Variants in AQP9 observed in about 807,000 individuals in gnomAD.
The protein encoded by AQP9 is aquaporin-9.
AQP9 carries 19 observed loss-of-function variants against 23.8 expected under a neutral mutation model. The ratio of observed to expected loss-of-function variants is 0.80; its 90% CI spans 0.56 to 1.17. The LOEUF is 1.17. AQP9 is among the 50% of genes most tolerant of loss of function. The pLI is 0.00. For missense variants in AQP9, 413 were observed against 362.0 expected, an observed-to-expected ratio of 1.14 and a Z score of -1.14; for synonymous variants, 153 against 131.5, an observed-to-expected ratio of 1.16 and a Z score of -1.12.
intron 5 of AQP9, among the ~76,000 whole-genome samples, chr15:58,180,862 C>G (rs1431266149): frequency 6.6e-6 from 1 of 152,214 alleles, no homozygotes; most frequent in Non-Finnish European, 1.5e-5. Context: ...GAAATTCTCT[C>G]CTAGAATGAT....
intron 4 of AQP9, 103 bp from the exon 5 acceptor site, chr15:58,179,025 T>A (rs118182963): frequency 0.017 from 13,254 of 784,758 alleles, 173 homozygotes; most frequent in Non-Finnish European, 0.021. Context: ...ATAAGTAAAA[T>A]AGTAATATTG....
At chr15:58,181,752 T>G (rs955078835) in intron 5 of AQP9, among the ~76,000 whole-genome samples, 1 of 152,134 alleles carries the variant, frequency 6.6e-6, no homozygotes, top group South Asian at 2.1e-4. Context: ...GAATGTCAAT[T>G]TAGCAAAATT....
chr15:58,154,412 TAACTTCAAGTGC>T (rs1898206976), intron 1 of AQP9: 1 of 152,072 alleles, frequency 6.6e-6, no homozygotes, highest in Non-Finnish European at 1.5e-5. Flanking sequence ...TCACCCTGAG[TAACTTCAAGTGC>T]AACATAAATA....
rs1310842770 is a variant in AQP9, at chr15:58,185,720, A to G, written c.*1585A>G. ...GGGATGCACCTTCAGTCAAACTGTC[A>G]AAAAGCCCAGAATTCCCAAAGGCAT... On this transcript the variant is annotated 3_prime_UTR_variant, in exon 6 of 6. Transcript: ENST00000219919. The G allele has an allele frequency of 2.0e-5, 3 of 152,246 alleles. No individual in the cohort carries two copies. The highest frequency in any genetic ancestry group is 2.9e-5 in the Non-Finnish European group (2 of 68,044). 9.4% of individuals were successfully genotyped at this position (152,246 alleles called of 1,614,324 possible). A position where few individuals can be genotyped will look rare whatever the true frequency, so the allele number is the denominator to read the frequency against.
At chr15:58,179,455 A>T in intron 5 of AQP9, 110 bp downstream of exon 5, 1 of 893,636 alleles carries the variant, frequency 1.1e-6, no homozygotes, top group South Asian at 1.6e-5. Context: ...CGCCAACGTT[A>T]ACTGCACACT....
chr15:58,175,835 C>T lies in AQP9; in HGVS notation c.495+799C>T, dbSNP rs76973255. Among the ~76,000 whole-genome samples the T allele has an allele frequency of 3.3e-3, 510 of 152,322 alleles. 1 individual carries two copies. Among genetic ancestry groups the T allele is most frequent in the African/African-American group, 0.012 (481 of 41,568 alleles). ...ATGTATGGATGAAAAACTATGCCCT[C>T]ATGTCCTCAGCTTTTTTACTTTCCA... On this transcript the variant is annotated intron_variant, in intron 4 of 5. Transcript: ENST00000219919.
intron 1 of AQP9, among the ~76,000 whole-genome samples, chr15:58,157,916 G>A (rs1468778489): frequency 6.6e-6 from 1 of 152,158 alleles, no homozygotes; most frequent in African/African-American, 2.4e-5. Flanking sequence ...CTAGGTCCCT[G>A]AGAAGCTTTG....
intron 1 of AQP9, among the ~76,000 whole-genome samples, chr15:58,142,917 G>T (rs996694121): frequency 6.6e-6 from 1 of 152,124 alleles, no homozygotes; most frequent in Non-Finnish European, 1.5e-5. Context: ...TGTCAGCAGT[G>T]CCCTGGATTC....
At position 58,165,659 on chromosome 15, in the gene AQP9, TTTTG is replaced by T. The variant is rs202100343; in HGVS notation, c.112-1002_112-999del. The stretch of plus-strand genomic sequence containing the variant: ...TACATGGATCTCCTTTATTCTATTT[TTTTG>T]TTTGTTTGTTTCTATTTTTTTCAGT... On this transcript the variant is annotated intron_variant, in intron 1 of 5. Transcript: ENST00000219919. Among the ~76,000 whole-genome samples, 1,384 of 152,310 alleles carry T rather than the reference TTTTG, an allele frequency of 9.1e-3. 22 individuals are homozygous for T. Among genetic ancestry groups the T allele is most frequent in the African/African-American group, 0.032 (1,331 of 41,568 alleles).
chr15:58,149,114 G>A (rs1180041203), intron 1 of AQP9, among the ~76,000 whole-genome samples: 2 of 152,164 alleles, frequency 1.3e-5, no homozygotes, highest in African/African-American at 4.8e-5. Context: ...CAGGAAAGCT[G>A]TGCATAAATC....
At chr15:58,162,045 G>A (rs1898395306) in intron 1 of AQP9, among the ~76,000 whole-genome samples, 1 of 152,200 alleles carries the variant, frequency 6.6e-6, no homozygotes, top group African/African-American at 2.4e-5. Context: ...GCATAAATAT[G>A]TAAACAGTTA....
chr15:58,165,174 C>G (rs1297767558), intron 1 of AQP9, among the ~76,000 whole-genome samples: 1 of 152,086 alleles, frequency 6.6e-6, no homozygotes, highest in African/African-American at 2.4e-5. Context: ...TATACTTATG[C>G]CTCCAGGGCC....
chr15:58,164,899 TTTCATA>T (rs1898465352), intron 1 of AQP9, among the ~76,000 whole-genome samples: 1 of 152,202 alleles, frequency 6.6e-6, no homozygotes, highest in African/African-American at 2.4e-5. Context: ...TTGTGCAACC[TTTCATA>T]TTTTAGTTTT....
chr15:58,141,950 A>C (rs1404593851), intron 1 of AQP9, among the ~76,000 whole-genome samples: 1 of 152,240 alleles, frequency 6.6e-6, no homozygotes, highest in Admixed American at 6.5e-5. Flanking sequence ...GGCAGAATCC[A>C]GGACAATTTT....
intron 1 of AQP9, among the ~76,000 whole-genome samples, chr15:58,140,323 C>T (rs1355900125): frequency 6.6e-6 from 1 of 151,840 alleles, no homozygotes; most frequent in Admixed American, 6.6e-5. Flanking sequence ...CACTGTTCAA[C>T]TGGCCTTGTG....
chr15:58,172,588 T>TC (rs1898648036), intron 2 of AQP9, among the ~76,000 whole-genome samples: 1 of 152,244 alleles, frequency 6.6e-6, no homozygotes, highest in Non-Finnish European at 1.5e-5. Context: ...ACAGTCATTT[T>TC]CCTTTAAAGA....
intron 1 of AQP9, chr15:58,154,482 T>C (rs983133742): frequency 2.0e-5 from 3 of 152,056 alleles, no homozygotes; most frequent in Admixed American, 2.0e-4. Flanking sequence ...CCCGTAACTG[T>C]ATAAAGAAGC....
intron 3 of AQP9, 135 bp downstream of exon 3, chr15:58,173,340 GA>G: frequency 1.5e-6 from 2 of 1,292,374 alleles, no homozygotes; most frequent in East Asian, 2.4e-5. Flanking sequence ...CTAAATTTGA[GA>G]AAATGAGGCC....
At chr15:58,154,139 C>T (rs1394086996) in intron 1 of AQP9, 1 of 152,110 alleles carries the variant, frequency 6.6e-6, no homozygotes, top group East Asian at 1.9e-4. Context: ...CAATTACAGA[C>T]TTTTAAATTC....
Sources: allele counts gnomAD v4.1 joint callset (sites outside exome capture counted in the v4.1 genomes callset), GRCh38; gene constraint gnomAD v4.1.1; transcripts MANE v1.5; gene names NCBI Gene and HGNC (gene_info 2026-07-23, HGNC 2026-07-21).